RALGAPA2: variants seen among roughly 807,000 people sequenced by gnomAD.
RALGAPA2 encodes ral GTPase-activating protein subunit alpha-2.
RALGAPA2 carries 139 observed loss-of-function variants against 230.4 expected under a neutral mutation model. That is an observed-to-expected ratio of 0.60 (90% confidence interval 0.53 to 0.69). The LOEUF (loss-of-function observed/expected upper bound fraction) is 0.69. RALGAPA2 is among the 30% of genes least tolerant of loss of function. The pLI is 0.00. For missense variants in RALGAPA2, 2,163 were observed against 2,276.0 expected (o/e 0.95, Z 1.01); for synonymous variants, 847 against 837.8 (o/e 1.01, Z -0.19).
chr20:20,512,000 C>A (rs951282669), intron 32 of RALGAPA2, among the ~76,000 whole-genome samples: 1 of 151,960 alleles, frequency 6.6e-6, no homozygotes, highest in East Asian at 1.9e-4. Flanking sequence ...ACCAGCCTGG[C>A]GAACATGGTG....
chr20:20,687,835 A>G (rs1212678585), intron 1 of RALGAPA2, among the ~76,000 whole-genome samples: 1 of 152,132 alleles, frequency 6.6e-6, no homozygotes, highest in East Asian at 1.9e-4. Context: ...CATCCCCTCC[A>G]TTAAAGAAGG....
At chr20:20,709,690 A>T (rs1441143200) in intron 1 of RALGAPA2, among the ~76,000 whole-genome samples, 2 of 152,168 alleles carry the variant, frequency 1.3e-5, no homozygotes. Context: ...CCCTCTGTAA[A>T]ATAAAGTTAA....
At chr20:20,659,638 C>A in intron 3 of RALGAPA2, 1 of 288,588 alleles carries the variant, frequency 3.5e-6, no homozygotes, top group South Asian at 4.0e-5. Flanking sequence ...ATTCCTAAAA[C>A]AACTAACATA....
At chr20:20,628,079 T>C (rs1427818408) in intron 10 of RALGAPA2, among the ~76,000 whole-genome samples, 2 of 152,214 alleles carry the variant, frequency 1.3e-5, no homozygotes, top group Non-Finnish European at 2.9e-5. Context: ...ATAAGTGGAA[T>C]GTTAATTGCA....
chr20:20,435,389 A>C (rs1047231710), intron 37 of RALGAPA2, among the ~76,000 whole-genome samples: 4 of 152,256 alleles, frequency 2.6e-5, no homozygotes, highest in Non-Finnish European at 5.9e-5. Flanking sequence ...GGAGCAGCTG[A>C]GGAAAAGGAT....
chr20:20,619,252 C>T (rs540911509), intron 12 of RALGAPA2, 25 bp downstream of exon 12: 2 of 1,577,648 alleles, frequency 1.3e-6, no homozygotes, highest in African/African-American at 2.7e-5. Context: ...GTGGAGGGGT[C>T]TTCATGTCCT....
chr20:20,511,183 C>T, intron 33 of RALGAPA2, 71 bp downstream of exon 33: 2 of 1,530,916 alleles, frequency 1.3e-6, no homozygotes, highest in African/African-American at 1.4e-5. Context: ...TTCATTCCTG[C>T]TGTTGTATCT....
chr20:20,442,579 T>C (rs1024977526), intron 37 of RALGAPA2, among the ~76,000 whole-genome samples: 3 of 152,272 alleles, frequency 2.0e-5, no homozygotes, highest in African/African-American at 7.2e-5. Context: ...GTTTTAGTTT[T>C]GCTCCCTGAT....
intron 37 of RALGAPA2, among the ~76,000 whole-genome samples, chr20:20,418,662 A>G (rs1180189484): frequency 6.6e-6 from 1 of 152,238 alleles, no homozygotes; most frequent in Non-Finnish European, 1.5e-5. Context: ...ATTAATAAGG[A>G]TAAAACTGAA....
At chr20:20,635,676 C>T in intron 8 of RALGAPA2, 59 bp from the exon 9 acceptor site, 1 of 1,350,924 alleles carries the variant, frequency 7.4e-7, no homozygotes, top group Non-Finnish European at 1.0e-6. Flanking sequence ...TTAAGTAATC[C>T]CTACAAATGT....
intron 37 of RALGAPA2, among the ~76,000 whole-genome samples, chr20:20,431,858 A>C (rs977308538): frequency 1.3e-5 from 2 of 152,232 alleles, no homozygotes; most frequent in East Asian, 3.9e-4. Context: ...GCATGTGTGC[A>C]CCTCTCTATG....
chr20:20,552,057 G>T (rs1369885976), intron 23 of RALGAPA2, among the ~76,000 whole-genome samples: 1 of 152,100 alleles, frequency 6.6e-6, no homozygotes. Flanking sequence ...GTTTAAAATG[G>T]TTTAACCCTA....
At chr20:20,455,790 G>C (rs530532895) in intron 37 of RALGAPA2, among the ~76,000 whole-genome samples, 5 of 152,256 alleles carry the variant, frequency 3.3e-5, no homozygotes, top group Admixed American at 3.3e-4. Context: ...TCTCCTTAAA[G>C]AAATCTCAAT....
At chr20:20,500,715 T>C (rs2062350101) in intron 35 of RALGAPA2, among the ~76,000 whole-genome samples, 1 of 152,244 alleles carries the variant, frequency 6.6e-6, no homozygotes, top group Admixed American at 6.5e-5. Flanking sequence ...GCATCTAGAA[T>C]GGTGAATCCA....
At chr20:20,551,339 C>A (rs1267668354) in intron 23 of RALGAPA2, among the ~76,000 whole-genome samples, 1 of 152,180 alleles carries the variant, frequency 6.6e-6, no homozygotes, top group Non-Finnish European at 1.5e-5. Context: ...AGACAAAGAT[C>A]TTTCACAAGC....
chr20:20,482,216 C>T (rs2061794047), intron 36 of RALGAPA2, among the ~76,000 whole-genome samples: 1 of 152,126 alleles, frequency 6.6e-6, no homozygotes, highest in Non-Finnish European at 1.5e-5. Flanking sequence ...TTATTTGCAT[C>T]ATTTGATCAA....
intron 3 of RALGAPA2, among the ~76,000 whole-genome samples, chr20:20,673,688 G>A (rs1013236487): frequency 2.6e-5 from 4 of 152,036 alleles, no homozygotes; most frequent in African/African-American, 7.2e-5. Flanking sequence ...CCAGTTGCAG[G>A]TGGTTTTATA....
chr20:20,694,295 G>A (rs1027625255), intron 1 of RALGAPA2, among the ~76,000 whole-genome samples: 2 of 152,076 alleles, frequency 1.3e-5, no homozygotes, highest in African/African-American at 4.8e-5. Flanking sequence ...CCCAGAAGTT[G>A]GTTTGTTTAA....
At chr20:20,512,228 CACACACACACAT>C (rs1176709831) in intron 32 of RALGAPA2, among the ~76,000 whole-genome samples, 5 of 148,084 alleles carry the variant, frequency 3.4e-5, no homozygotes, top group African/African-American at 1.0e-4. Context: ...CCCCCCTACA[CACACACACACAT>C]ACACACACAC....
Sources: allele counts gnomAD v4.1 joint callset (sites outside exome capture counted in the v4.1 genomes callset), GRCh38; gene constraint gnomAD v4.1.1; transcripts MANE v1.5; gene names NCBI Gene and HGNC (gene_info 2026-07-23, HGNC 2026-07-21).